XKR6: variants seen among roughly 807,000 people sequenced by gnomAD.
XKR6 encodes the protein XK-related protein 6.
In XKR6, 22 loss-of-function variants were observed where a neutral mutation model predicts 56.7. The ratio of observed to expected loss-of-function variants is 0.39; its 90% CI spans 0.28 to 0.55. XKR6 has a LOEUF of 0.55. Ranked by LOEUF, XKR6 falls within the 20% of genes least tolerant of loss-of-function variation. XKR6 has a pLI of 0.66. For synonymous variants in XKR6, 524 were observed against 387.8 expected (o/e 1.35, Z -4.13); for missense variants, 852 against 889.0 (o/e 0.96, Z 0.53).
At chr8:10,974,769 T>A (rs1222242884) in intron 1 of XKR6, among the ~76,000 whole-genome samples, 1 of 152,106 alleles carries the variant, frequency 6.6e-6, no homozygotes, top group African/African-American at 2.4e-5. Flanking sequence ...ATGTGGCAAG[T>A]AGTGAAGGAA....
At chr8:11,107,895 G>A (rs1004033297) in intron 1 of XKR6, 5 of 226,134 alleles carry the variant, frequency 2.2e-5, no homozygotes. Context: ...CCTGTCTCAT[G>A]TACAAAGAGC....
rs572119988 is a variant in XKR6, at chr8:11,129,444, G to A, written c.764+71132C>T. ...ATAACCACCAAATGTTTCTTGAGTG[G>A]TTCACCCTTGGCTTTAAATGTTATC... On this transcript the variant is annotated intron_variant, in intron 1 of 2. Coordinates refer to ENST00000416569, the MANE Select transcript of XKR6 (RefSeq NM_173683.4). 7.9e-5 allele frequency among the ~76,000 whole-genome samples: 12 copies of A among 152,202 alleles called. No individual in the cohort carries two copies. In the East Asian group the frequency reaches 2.1e-3, roughly 27 times the overall value.
At chr8:11,105,272 T>C (rs1798632778) in intron 1 of XKR6, 1 of 152,216 alleles carries the variant, frequency 6.6e-6, no homozygotes, top group African/African-American at 2.4e-5. Flanking sequence ...AACTTTTTTA[T>C]TTTACCAAAC....
At chr8:10,908,241 G>A (rs1156297436) in intron 2 of XKR6, among the ~76,000 whole-genome samples, 1 of 152,184 alleles carries the variant, frequency 6.6e-6, no homozygotes, top group Admixed American at 6.5e-5. Context: ...GAAGGAAATC[G>A]AAAATGCTCA....
At chr8:11,175,050 G>A (rs570626323) in intron 1 of XKR6, 21 of 152,322 alleles carry the variant, frequency 1.4e-4, no homozygotes, top group African/African-American at 4.3e-4. Flanking sequence ...CTGTGAAAAC[G>A]GTTCACTACT....
intron 1 of XKR6, among the ~76,000 whole-genome samples, chr8:11,152,937 A>G (rs1019938252): frequency 1.6e-4 from 25 of 152,258 alleles, no homozygotes; most frequent in African/African-American, 6.0e-4. Context: ...CCCAAGCTGT[A>G]GCCCACAGAT....
chr8:10,944,922 T>G (rs549772988), intron 1 of XKR6, among the ~76,000 whole-genome samples: 1 of 152,326 alleles, frequency 6.6e-6, no homozygotes, highest in South Asian at 2.1e-4. Context: ...AAATGGCATT[T>G]CTTTCCAGGG....
intron 1 of XKR6, among the ~76,000 whole-genome samples, chr8:11,161,824 G>C (rs552076805): frequency 9.9e-5 from 15 of 152,174 alleles, no homozygotes; most frequent in African/African-American, 3.6e-4. Flanking sequence ...TCAGGTACCT[G>C]CAACTCAAAA....
chr8:10,967,828 G>A (rs1319756502), intron 1 of XKR6, among the ~76,000 whole-genome samples: 3 of 152,220 alleles, frequency 2.0e-5, no homozygotes, highest in African/African-American at 7.2e-5. Flanking sequence ...CTTAGGTGGT[G>A]GGTGCAGGTG....
At chr8:11,102,581 CA>C (rs1465122354) in intron 1 of XKR6, among the ~76,000 whole-genome samples, 2 of 152,156 alleles carry the variant, frequency 1.3e-5, no homozygotes, top group African/African-American at 4.8e-5. Flanking sequence ...AATAATTCAG[CA>C]GAACCTAACT....
intron 1 of XKR6, among the ~76,000 whole-genome samples, chr8:10,987,512 T>A (rs897792205): frequency 6.6e-6 from 1 of 152,220 alleles, no homozygotes; most frequent in African/African-American, 2.4e-5. Context: ...TCATCATCCC[T>A]TGTGTGACTA....
rs1802296265 is a variant in XKR6, at chr8:10,968,382, C to A, written c.765-43552G>T. 3.9e-5 allele frequency among the ~76,000 whole-genome samples: 6 copies of A among 152,256 alleles called. No individual in the cohort carries two copies. In the South Asian group the frequency reaches 1.0e-3, roughly 26 times the overall value. ...GAATCAGTAGAATGTGTGTCTCTTT[C>A]CCTTCCCTGTGGGACTGGAATCTTC... On this transcript the variant is annotated intron_variant, in intron 1 of 2. Coordinates refer to ENST00000416569, the MANE Select transcript of XKR6 (RefSeq NM_173683.4).
intron 1 of XKR6, among the ~76,000 whole-genome samples, chr8:11,162,112 T>C (rs1484458622): frequency 2.0e-5 from 3 of 152,216 alleles, no homozygotes; most frequent in African/African-American, 7.2e-5. Context: ...AGAAAGCTTT[T>C]TATTTGCTTA....
intron 1 of XKR6, chr8:11,123,942 A>G (rs1003836449): frequency 4.4e-6 from 2 of 456,108 alleles, no homozygotes; most frequent in South Asian, 3.1e-5. Context: ...TCATCGCAGC[A>G]GAGGATCGGC....
At chr8:10,929,487 G>A (rs1047015888) in intron 1 of XKR6, among the ~76,000 whole-genome samples, 14 of 152,296 alleles carry the variant, frequency 9.2e-5, no homozygotes, top group African/African-American at 3.1e-4. Flanking sequence ...TCCTGCCCAC[G>A]CACCTCCCAG....
chr8:11,151,953 A>C (rs1801291583), intron 1 of XKR6, among the ~76,000 whole-genome samples: 1 of 152,212 alleles, frequency 6.6e-6, no homozygotes, highest in Admixed American at 6.5e-5. Flanking sequence ...AAAGGATATT[A>C]AACTGAAGAC....
chr8:11,162,327 T>C (rs991347508), intron 1 of XKR6, among the ~76,000 whole-genome samples: 13 of 152,096 alleles, frequency 8.5e-5, no homozygotes, highest in Admixed American at 2.6e-4. Context: ...CCCTTGGCCC[T>C]GAAGAGCTAC....
At chr8:11,076,079 C>T (rs28510951) in intron 1 of XKR6, among the ~76,000 whole-genome samples, 32,712 of 151,996 alleles carry the variant, frequency 0.22, 3,892 homozygotes, top group African/African-American at 0.3. Flanking sequence ...ACAACACGGG[C>T]GAACCTCGAT....
chr8:11,005,595 T>C (rs1483571786), intron 1 of XKR6, among the ~76,000 whole-genome samples: 2 of 152,124 alleles, frequency 1.3e-5, no homozygotes, highest in South Asian at 4.1e-4. Context: ...CACAATGAAA[T>C]ATGATGATAC....
Sources: allele counts gnomAD v4.1 joint callset (sites outside exome capture counted in the v4.1 genomes callset), GRCh38; gene constraint gnomAD v4.1.1; transcripts MANE v1.5; gene names NCBI Gene and HGNC (gene_info 2026-07-23, HGNC 2026-07-21).